DTNBP1: variants seen among roughly 807,000 people sequenced by gnomAD.
DTNBP1 encodes dystrobrevin binding protein 1, also known as dysbindin.
A neutral mutation model predicts 42.8 loss-of-function variants in DTNBP1; 35 were observed. That is an observed-to-expected ratio of 0.82 (90% CI 0.63 to 1.09). DTNBP1 has a LOEUF of 1.09. Among genes scored for constraint, DTNBP1 ranks in the 50% least tolerant of loss-of-function variants. DTNBP1 has a pLI of 0.00. For synonymous variants in DTNBP1, 171 were observed against 162.2 expected, an observed-to-expected ratio of 1.05 and a Z score of -0.41; for missense variants, 457 against 424.2, an observed-to-expected ratio of 1.08 and a Z score of -0.68.
chr6:15,607,592 G>C (rs538419324), intron 6 of DTNBP1, among the ~76,000 whole-genome samples: 1 of 152,112 alleles, frequency 6.6e-6, no homozygotes, highest in African/African-American at 2.4e-5. Flanking sequence ...GTGAGCCACC[G>C]TGCCCAGCAA....
In DTNBP1 at chr6:15,525,814, C is replaced by T. The variant is rs145089378; in HGVS notation, c.668-1145G>A. ...AGCGTAGCATCTGGTCACATTTCCC[C>T]GAAGCCAAGAAGGGGAGATAACTCT... On this transcript the variant is annotated intron_variant, in intron 8 of 9. Transcript: ENST00000344537. 5.3e-5 allele frequency among the ~76,000 whole-genome samples: 8 copies of T among 152,094 alleles called. No individual in the cohort carries two copies. The East Asian group carries it at 5.8e-4, about 11-fold the overall frequency.
chr6:15,608,478 A>G (rs576279803), intron 6 of DTNBP1, among the ~76,000 whole-genome samples: 9 of 152,326 alleles, frequency 5.9e-5, no homozygotes, highest in East Asian at 3.9e-4. Context: ...TCCTGTCCCA[A>G]TATGAATTGC....
rs1291462445 is a variant in DTNBP1, at chr6:15,587,120, T to C, written c.511+5939A>G. Among the ~76,000 whole-genome samples the C allele has an allele frequency of 6.6e-6, 1 of 152,226 alleles. No individual in the cohort carries two copies. The highest frequency in any genetic ancestry group is 1.5e-5 in the Non-Finnish European group (1 of 68,038). On this transcript the variant is annotated intron_variant, in intron 7 of 9. Transcript: ENST00000344537. This position sits in a 1 kb window ranked among gnomAD's most constrained non-coding sequence, Gnocchi z 4.1. ...ACAGCCCATTGGACACTTCCACCTA[T>C]AATGTCTTACAGATACTGCAAATTT...
intron 1 of DTNBP1, among the ~76,000 whole-genome samples, chr6:15,653,194 GAGGATTTT>G (rs1761110234): frequency 6.6e-6 from 1 of 152,212 alleles, no homozygotes. Context: ...TTTCATTAAA[GAGGATTTT>G]GTATATCTCA....
chr6:15,595,506 A>G (rs1388160886), intron 6 of DTNBP1, among the ~76,000 whole-genome samples: 1 of 151,986 alleles, frequency 6.6e-6, no homozygotes, highest in African/African-American at 2.4e-5. Context: ...ACCTCAGTTG[A>G]TCCACCTGCC....
At chr6:15,642,718 A>G (rs1025445577) in intron 3 of DTNBP1, among the ~76,000 whole-genome samples, 1 of 152,146 alleles carries the variant, frequency 6.6e-6, no homozygotes, top group Non-Finnish European at 1.5e-5. Flanking sequence ...ATAACCAAGG[A>G]CCCCATATAG....
intron 3 of DTNBP1, among the ~76,000 whole-genome samples, chr6:15,643,312 A>C (rs2113784121): frequency 6.6e-6 from 1 of 152,340 alleles, no homozygotes; most frequent in East Asian, 1.9e-4. Flanking sequence ...AAAGCAAACA[A>C]ACCTTTCACT....
At chr6:15,592,562 T>C (rs577896039) in intron 7 of DTNBP1, among the ~76,000 whole-genome samples, 1 of 152,284 alleles carries the variant, frequency 6.6e-6, no homozygotes, top group South Asian at 2.1e-4. Context: ...TCTCAGAATA[T>C]ATTTCATCTG....
chr6:15,562,718 A>G (rs541397553), intron 7 of DTNBP1, among the ~76,000 whole-genome samples: 1 of 152,308 alleles, frequency 6.6e-6, no homozygotes, highest in South Asian at 2.1e-4. Flanking sequence ...CCCTTATTAC[A>G]ATCTCCTAAA....
chr6:15,642,591 C>T (rs982167515), intron 3 of DTNBP1, among the ~76,000 whole-genome samples: 2 of 152,124 alleles, frequency 1.3e-5, no homozygotes, highest in African/African-American at 4.8e-5. Flanking sequence ...AGATGAGCCC[C>T]CTGGGATCTC....
At chr6:15,596,004 G>A (rs1327593760) in intron 6 of DTNBP1, among the ~76,000 whole-genome samples, 8 of 152,210 alleles carry the variant, frequency 5.3e-5, no homozygotes, top group African/African-American at 1.9e-4. Flanking sequence ...ACTGGCAAGG[G>A]AGAGAATAAA....
chr6:15,655,195 C>T (rs1272595736), intron 1 of DTNBP1, among the ~76,000 whole-genome samples: 1 of 152,078 alleles, frequency 6.6e-6, no homozygotes, highest in African/African-American at 2.4e-5. Flanking sequence ...AATCATAGCT[C>T]ACTGCAGCCT....
chr6:15,655,957 C>T (rs577646046), intron 1 of DTNBP1, among the ~76,000 whole-genome samples: 4 of 152,174 alleles, frequency 2.6e-5, no homozygotes, highest in Non-Finnish European at 4.4e-5. Flanking sequence ...TCATGACATG[C>T]TGTGAAGGAA....
chr6:15,579,844 T>C (rs762040472), intron 7 of DTNBP1: 1 of 455,344 alleles, frequency 2.2e-6, no homozygotes. Flanking sequence ...ATTTTGAATG[T>C]TCTCAATGCA....
intron 7 of DTNBP1, among the ~76,000 whole-genome samples, chr6:15,556,716 C>T (rs1774544156): frequency 2.0e-5 from 3 of 152,278 alleles, no homozygotes; most frequent in South Asian, 4.2e-4. Flanking sequence ...CTGAGCTCCT[C>T]GCCTGCCCAG....
chr6:15,572,224 T>C (rs1775370078), intron 7 of DTNBP1, among the ~76,000 whole-genome samples: 1 of 152,218 alleles, frequency 6.6e-6, no homozygotes, highest in Non-Finnish European at 1.5e-5. Context: ...GCTGAGCAAG[T>C]AGACTTCAGA....
chr6:15,553,781 C>A (rs1254718032), intron 7 of DTNBP1, among the ~76,000 whole-genome samples: 1 of 151,956 alleles, frequency 6.6e-6, no homozygotes. Flanking sequence ...GGGTTCAGGA[C>A]ACAATACCCC....
At chr6:15,542,113 T>A (rs1773600516) in intron 7 of DTNBP1, among the ~76,000 whole-genome samples, 1 of 152,152 alleles carries the variant, frequency 6.6e-6, no homozygotes, top group African/African-American at 2.4e-5. Flanking sequence ...AACTTCAATA[T>A]TTACAATTCA....
chr6:15,624,084 A>AGAGCGTG (rs1016598038), intron 5 of DTNBP1, among the ~76,000 whole-genome samples: 1 of 152,214 alleles, frequency 6.6e-6, no homozygotes, highest in African/African-American at 2.4e-5. Flanking sequence ...GTCTGTACGC[A>AGAGCGTG]GTGCGTGGTG....
Sources: gnomAD v4.1 joint callset for allele counts (sites outside exome capture counted in the v4.1 genomes callset) on GRCh38, gnomAD v4.1.1 for gene constraint, Gnocchi (gnomAD v3.1) non-coding constraint, MANE v1.5 for transcripts, NCBI Gene and HGNC (gene_info 2026-07-23, HGNC 2026-07-21) for gene names.